The following BCAS3 variants were observed in gnomAD, a reference collection of about 807,000 sequenced individuals.
BCAS3 encodes the protein BCAS3 microtubule associated cell migration factor, also known as BCAS4/BCAS3 fusion.
BCAS3 carries 53 observed loss-of-function variants against 116.1 expected under a neutral mutation model. That is an observed-to-expected ratio of 0.46 (90% confidence interval 0.37 to 0.57). The LOEUF is 0.57. Ranked by LOEUF, BCAS3 falls within the 20% of genes least tolerant of loss-of-function variation. BCAS3 has a pLI of 0.00. For synonymous variants in BCAS3, 391 were observed against 408.2 expected (o/e 0.96, Z 0.51); for missense variants, 917 against 1,165.4 (o/e 0.79, Z 3.10).
chr17:61,246,438 C>T (rs2047951071), intron 22 of BCAS3, among the ~76,000 whole-genome samples: 1 of 135,252 alleles, frequency 7.4e-6, no homozygotes, highest in South Asian at 2.4e-4. Context: ...TGCCACTGCA[C>T]ACCAGCCTGG....
Position 61,163,373 on chromosome 17 carries a change from G to A in BCAS3, c.2425+78809G>A, listed in dbSNP as rs968569240. 2.7e-5 allele frequency among the ~76,000 whole-genome samples: 4 copies of A among 150,860 alleles called. No individual in the cohort carries two copies. The East Asian group carries it at 5.9e-4, about 22-fold the overall frequency. On this transcript the variant is annotated intron_variant, in intron 22 of 23. Coordinates refer to ENST00000407086, the MANE Select transcript of BCAS3 (RefSeq NM_017679.5). ...TGGGAGGCGGAGCTTGCAGTGAGCC[G>A]AGATCACGCCACTGCATTCCAGCCT...
In BCAS3 at chr17:61,333,765, G is replaced by A. The variant is rs1261547402; in HGVS notation, c.2426-34562G>A. On this transcript the variant is annotated intron_variant, in intron 22 of 23. Transcript: ENST00000407086. The surrounding 1 kb of genome is among the most constrained non-coding windows in gnomAD (Gnocchi z 4.8). ...CCTCCCGAGTAGCTGGGATTACAGG[G>A]GCACACTACCACACCCAGCTCATTT... Among the ~76,000 whole-genome samples, 4 of 151,548 alleles carry A rather than the reference G, an allele frequency of 2.6e-5. No individual in the cohort carries two copies. Among genetic ancestry groups the A allele is most frequent in the Admixed American group, 6.6e-5 (1 of 15,200 alleles).
In BCAS3 at chr17:61,355,506, A is replaced by G. The variant is rs1217148900; in HGVS notation, c.2426-12821A>G. 6.6e-6 allele frequency among the ~76,000 whole-genome samples: 1 copy of G among 152,116 alleles called. No individual in the cohort carries two copies. The highest frequency in any genetic ancestry group is 2.4e-5 in the African/African-American group (1 of 41,426). Reference sequence around the variant, plus strand: ...AAAAAAAATTCAGCATGGTAGTTTTAGTGGAGAAATGACAGGCTTTGGAGC... The same window carrying G: ...AAAAAAAATTCAGCATGGTAGTTTTGGTGGAGAAATGACAGGCTTTGGAGC... On this transcript the variant is annotated intron_variant, in intron 22 of 23. Coordinates refer to ENST00000407086, the MANE Select transcript of BCAS3 (RefSeq NM_017679.5). This position sits in a 1 kb window ranked among gnomAD's most constrained non-coding sequence, Gnocchi z 4.2.
chr17:61,090,317 TC>T (rs1018673799), intron 22 of BCAS3, among the ~76,000 whole-genome samples: 5 of 152,154 alleles, frequency 3.3e-5, no homozygotes, highest in African/African-American at 1.2e-4. Context: ...TGACAAAAAC[TC>T]CAGGGCATAT....
chr17:60,864,553 T>C (rs897278442), intron 7 of BCAS3, among the ~76,000 whole-genome samples: 3 of 152,270 alleles, frequency 2.0e-5, no homozygotes, highest in African/African-American at 4.8e-5. Flanking sequence ...GGGAATGTTG[T>C]GTTTAGTTTA....
rs2065692750 is a variant in BCAS3, at chr17:61,019,059, A to G, written c.1637+3158A>G. Reference sequence around the variant, plus strand: ...TGACTGTTGCTAGATGACAAGACTCAATATCTTTAAGCCAGAGGTCCCCAA... The same window carrying G: ...TGACTGTTGCTAGATGACAAGACTCGATATCTTTAAGCCAGAGGTCCCCAA... On this transcript the variant is annotated intron_variant, in intron 16 of 23. Coordinates refer to ENST00000407086, the MANE Select transcript of BCAS3 (RefSeq NM_017679.5). The surrounding 1 kb of genome is among the most constrained non-coding windows in gnomAD (Gnocchi z 5.6). Among the ~76,000 whole-genome samples the G allele has an allele frequency of 1.3e-5, 2 of 152,150 alleles. No homozygotes were observed. The highest frequency in any genetic ancestry group is 2.9e-5 in the Non-Finnish European group (2 of 68,022).
In BCAS3 at chr17:61,388,066, C is replaced by T. The variant is rs1477714685; in HGVS notation, c.2594-3911C>T. Among the ~76,000 whole-genome samples the T allele has an allele frequency of 2.0e-5, 3 of 152,166 alleles. No homozygotes were observed. In the East Asian group the frequency reaches 5.8e-4, roughly 29 times the overall value. Reference sequence around the variant, plus strand: ...TTCCCTCATTTCCTGCCACAGAGCCCCCAGCACTCTCTTTCGGGCCCTGGC... The same window carrying T: ...TTCCCTCATTTCCTGCCACAGAGCCTCCAGCACTCTCTTTCGGGCCCTGGC... On this transcript the variant is annotated intron_variant, in intron 23 of 23. Coordinates refer to ENST00000407086, the MANE Select transcript of BCAS3 (RefSeq NM_017679.5). The surrounding 1 kb of genome is among the most constrained non-coding windows in gnomAD (Gnocchi z 6.5).
chr17:60,712,382 G>GAAAA (rs568948958), intron 5 of BCAS3, among the ~76,000 whole-genome samples: 2 of 140,470 alleles, frequency 1.4e-5, no homozygotes, highest in East Asian at 2.1e-4. Context: ...TCTTGGGAAG[G>GAAAA]AAAAAAAAAA....
At chr17:60,823,967 C>CTACT (rs2050170841) in intron 7 of BCAS3, among the ~76,000 whole-genome samples, 1 of 152,172 alleles carries the variant, frequency 6.6e-6, no homozygotes, top group Non-Finnish European at 1.5e-5. Context: ...GATCACCTGA[C>CTACT]TACTACCTTC....
chr17:61,185,652 A>C (rs901181057), intron 22 of BCAS3, among the ~76,000 whole-genome samples: 1 of 152,172 alleles, frequency 6.6e-6, no homozygotes, highest in Non-Finnish European at 1.5e-5. Context: ...AGATGTGTGC[A>C]AGACAGAAAA....
intron 22 of BCAS3, among the ~76,000 whole-genome samples, chr17:61,294,015 G>A (rs968591057): frequency 2.6e-5 from 4 of 152,120 alleles, no homozygotes; most frequent in Non-Finnish European, 5.9e-5. Context: ...CATCCTCCTC[G>A]GCCTCCCAAA....
intron 22 of BCAS3, among the ~76,000 whole-genome samples, chr17:61,236,043 A>G (rs142752018): frequency 1.6e-4 from 25 of 152,352 alleles, no homozygotes; most frequent in Middle Eastern, 3.4e-3. Context: ...GAATGTTACA[A>G]TTGCAGCTGG....
intron 19 of BCAS3, chr17:61,069,968 A>G: frequency 1.3e-6 from 2 of 1,583,158 alleles, no homozygotes; most frequent in Non-Finnish European, 1.7e-6. Flanking sequence ...AAAGGTGTCC[A>G]CAGCCACAAA....
At chr17:60,892,812 C>G (rs2057261703) in intron 10 of BCAS3, among the ~76,000 whole-genome samples, 2 of 151,938 alleles carry the variant, frequency 1.3e-5, no homozygotes, top group African/African-American at 4.8e-5. Context: ...GTCCCAGCTA[C>G]TCGGGAGGCT....
At chr17:60,733,332 T>G (rs772735265) in intron 5 of BCAS3, among the ~76,000 whole-genome samples, 3 of 152,204 alleles carry the variant, frequency 2.0e-5, no homozygotes, top group Non-Finnish European at 4.4e-5. Flanking sequence ...TGCATTGTTG[T>G]GATAGGACAT....
rs114193238 is a variant in BCAS3 at position 61,019,277 on chromosome 17, A to T, written c.1637+3376A>T. On this transcript the variant is annotated intron_variant, in intron 16 of 23. Transcript: ENST00000407086. This position sits in a 1 kb window ranked among gnomAD's most constrained non-coding sequence, Gnocchi z 5.6. ...CACATGTGAGGGACCTAGGTTGCAC[A>T]CTCCTTATGAGAATCTAATGCCTCA... is the stretch of plus-strand genomic sequence containing the variant. 4.2e-3 allele frequency among the ~76,000 whole-genome samples: 638 copies of T among 152,136 alleles called. 5 individuals carry two copies. Among genetic ancestry groups the T allele is most frequent in the African/African-American group, 0.014 (583 of 41,500 alleles).
At position 61,228,063 on chromosome 17, in the gene BCAS3, C is replaced by T. The variant is rs1030498822; in HGVS notation, c.2426-140264C>T. Among the ~76,000 whole-genome samples, 5 of 152,156 alleles carry T rather than the reference C, an allele frequency of 3.3e-5. No individual in the cohort carries two copies. The highest frequency in any genetic ancestry group is 7.3e-5 in the Non-Finnish European group (5 of 68,038). ...CTGGTTTTCCTAAGAAGGCCCCTTC[C>T]TTTACACACATTCCTGCATACTCCT... On this transcript the variant is annotated intron_variant, in intron 22 of 23. Coordinates refer to ENST00000407086, the MANE Select transcript of BCAS3 (RefSeq NM_017679.5). This position sits in a 1 kb window ranked among gnomAD's most constrained non-coding sequence, Gnocchi z 5.0.
intron 8 of BCAS3, among the ~76,000 whole-genome samples, chr17:60,870,506 T>C (rs1599312989): frequency 6.6e-6 from 1 of 152,066 alleles, no homozygotes; most frequent in Non-Finnish European, 1.5e-5. Flanking sequence ...ATGTTAAGGG[T>C]AATAAGTCTT....
In BCAS3 at chr17:61,276,462, G is replaced by C. The variant is rs2050767070; in HGVS notation, c.2426-91865G>C. Among the ~76,000 whole-genome samples the C allele has an allele frequency of 6.6e-6, 1 of 152,064 alleles. No individual in the cohort carries two copies. The highest frequency in any genetic ancestry group is 1.5e-5 in the Non-Finnish European group (1 of 68,006). On this transcript the variant is annotated intron_variant, in intron 22 of 23. Coordinates refer to ENST00000407086, the MANE Select transcript of BCAS3 (RefSeq NM_017679.5). The surrounding 1 kb of genome is among the most constrained non-coding windows in gnomAD (Gnocchi z 4.2). The stretch of plus-strand genomic sequence containing the variant: ...ATTTCATTTACAGTAGCATCAAAAA[G>C]AACAAAGTACTCAGGAATAAATTTA...
Sources: gnomAD v4.1 joint callset for allele counts (sites outside exome capture counted in the v4.1 genomes callset) on GRCh38, gnomAD v4.1.1 for gene constraint, Gnocchi (gnomAD v3.1) non-coding constraint, MANE v1.5 for transcripts, NCBI Gene and HGNC (gene_info 2026-07-23, HGNC 2026-07-21) for gene names.